The following POC1B variants were observed in gnomAD, a reference collection of about 807,000 sequenced individuals.
The protein encoded by POC1B is POC1 centriolar protein B.
In POC1B, 44 loss-of-function variants were observed where a neutral mutation model predicts 60.6. The observed-to-expected ratio is 0.73, with a 90% confidence interval of 0.57 to 0.93. The LOEUF is 0.93. Among genes scored for constraint, POC1B ranks in the 40% least tolerant of loss-of-function variants. The probability of loss-of-function intolerance (pLI) is 0.00; values close to 1 mark genes in which losing one functional copy is unlikely to be tolerated. For missense variants in POC1B, 555 were observed against 572.3 expected (o/e 0.97, Z 0.31); for synonymous variants, 180 against 198.9 (o/e 0.90, Z 0.80).
At chr12:89,443,537 G>C (rs1272873850) in intron 10 of POC1B, among the ~76,000 whole-genome samples, 1 of 151,310 alleles carries the variant, frequency 6.6e-6, no homozygotes, top group South Asian at 2.1e-4. Context: ...CAGAAATAAA[G>C]ATGTTCTTTG....
At position 89,434,922 on chromosome 12, in the gene POC1B, C is replaced by T. The variant is rs978236368; in HGVS notation, c.1114-9543G>A. 3.9e-5 allele frequency among the ~76,000 whole-genome samples: 6 copies of T among 152,058 alleles called. 1 individual carries two copies. The highest frequency in any genetic ancestry group is 1.4e-4 in the African/African-American group (6 of 41,400). On this transcript the variant is annotated intron_variant, in intron 10 of 11. Transcript: ENST00000313546. ...GGGATAAAAGATTTTCATTTTCAGGCAGCTGAGTGAAAAATGTATTTAATA... is the reference window on the plus strand; with the variant it reads ...GGGATAAAAGATTTTCATTTTCAGGTAGCTGAGTGAAAAATGTATTTAATA...
At chr12:89,449,643 G>A (rs1485694752) in intron 10 of POC1B, among the ~76,000 whole-genome samples, 1 of 152,128 alleles carries the variant, frequency 6.6e-6, no homozygotes, top group Non-Finnish European at 1.5e-5. Flanking sequence ...CAATGGGATG[G>A]TTTTTTGAAA....
rs1313969644 is a variant in POC1B at position 89,497,877 on chromosome 12, G to C, written c.101-535C>G. On this transcript the variant is annotated intron_variant, in intron 2 of 11. Coordinates refer to ENST00000313546, the MANE Select transcript of POC1B (RefSeq NM_172240.3). ...GTTAATGTTTTGCTTCATTTGGTTT[G>C]TAATTTGCTCTGTACTTGTTTCTCC... 3.3e-5 allele frequency among the ~76,000 whole-genome samples: 5 copies of C among 152,174 alleles called. No individual in the cohort carries two copies. The East Asian group carries it at 7.7e-4, about 23-fold the overall frequency.
intron 9 of POC1B, among the ~76,000 whole-genome samples, chr12:89,462,328 G>T (rs1473289171): frequency 6.6e-6 from 1 of 152,160 alleles, no homozygotes; most frequent in Non-Finnish European, 1.5e-5. Context: ...AATTAGAGCT[G>T]CCTTGAAATG....
chr12:89,435,932 G>GT (rs1046219300), intron 10 of POC1B, among the ~76,000 whole-genome samples: 1 of 150,570 alleles, frequency 6.6e-6, no homozygotes. Context: ...TAAGCAGGAA[G>GT]TTTTTTTCTT....
At chr12:89,508,395 G>T (rs1870007624) in intron 2 of POC1B, among the ~76,000 whole-genome samples, 1 of 152,106 alleles carries the variant, frequency 6.6e-6, no homozygotes, top group Admixed American at 6.5e-5. Flanking sequence ...GAAGACTATA[G>T]GCTTGTTATT....
chr12:89,519,163 G>A (rs1870640630), intron 2 of POC1B, among the ~76,000 whole-genome samples: 1 of 152,106 alleles, frequency 6.6e-6, no homozygotes, highest in East Asian at 1.9e-4. Flanking sequence ...GGTCCAAGTG[G>A]GCCCCAGAGA....
rs1374548921 is a variant in POC1B at position 89,466,750 on chromosome 12, A to C, written c.1032+20T>G. 1 of 1,595,418 alleles carries C rather than the reference A, an allele frequency of 6.3e-7. No individual in the cohort carries two copies. Among genetic ancestry groups the C allele is most frequent in the South Asian group, 1.1e-5 (1 of 88,186 alleles). On this transcript the variant is annotated intron_variant, in intron 9 of 11. Coordinates refer to ENST00000313546, the MANE Select transcript of POC1B (RefSeq NM_172240.3). The stretch of plus-strand genomic sequence containing the variant: ...CAAAATGTACACAAAATGTAGGACA[A>C]ATATGAACAAAATACTCACTTCTAC...
intron 7 of POC1B, among the ~76,000 whole-genome samples, chr12:89,469,326 C>G (rs746854846): frequency 2.0e-5 from 3 of 151,974 alleles, no homozygotes. Context: ...TGAACAGGCT[C>G]AATAAAAGGC....
the POC1B span, among the ~76,000 whole-genome samples, chr12:89,413,135 G>A: frequency 3.3e-5 from 5 of 152,076 alleles, no homozygotes; most frequent in East Asian, 5.8e-4. Context: ...CTTATCTCAC[G>A]TGACCCACCT....
chr12:89,406,256 G>A, the POC1B span, among the ~76,000 whole-genome samples: 20 of 152,090 alleles, frequency 1.3e-4, no homozygotes, highest in Non-Finnish European at 2.5e-4. Context: ...TAAAAATAGA[G>A]TTTCATTTTA....
chr12:89,409,312 A>G, the POC1B span, among the ~76,000 whole-genome samples: 20 of 152,210 alleles, frequency 1.3e-4, no homozygotes, highest in African/African-American at 4.8e-4. Flanking sequence ...AGATGTAAGG[A>G]AGGGGTCCAG....
chr12:89,524,763 T>A, intron 2 of POC1B: 1 of 631,906 alleles, frequency 1.6e-6, no homozygotes, highest in East Asian at 2.8e-5. Flanking sequence ...TCTCCCTACT[T>A]CCTCCTGCTC....
At position 89,479,709 on chromosome 12, in the gene POC1B, A is replaced by G. The variant is rs558040868; in HGVS notation, c.453-7434T>C. Among the ~76,000 whole-genome samples the G allele has an allele frequency of 3.4e-4, 52 of 152,292 alleles. No homozygotes were observed. The South Asian group carries it at 7.3e-3, about 21-fold the overall frequency. On this transcript the variant is annotated intron_variant, in intron 4 of 11. Transcript: ENST00000313546. ...AACTCATAGAAAGTACTGGGCACCG[A>G]GATAGACACAGAATTTTAATTACTT... is the stretch of plus-strand genomic sequence containing the variant.
intron 4 of POC1B, among the ~76,000 whole-genome samples, chr12:89,486,352 G>A (rs56032425): frequency 0.065 from 9,842 of 152,172 alleles, 453 homozygotes; most frequent in Middle Eastern, 0.11. Context: ...AACCTTTCTT[G>A]GAGGAAGAGA....
rs1465700782 is a variant in POC1B, at chr12:89,466,913, A to G, written c.889T>C (p.Trp297Arg). 6.2e-7 allele frequency: 1 copy of G among 1,610,078 alleles called. No homozygotes were observed. The highest frequency in any genetic ancestry group is 1.1e-5 in the South Asian group (1 of 90,440). Residue 297 changes from tryptophan to arginine, a missense_variant, in exon 9 of 12, where the codon TGG becomes CGG. Coordinates refer to ENST00000313546, the MANE Select transcript of POC1B (RefSeq NM_172240.3). ...SGGADTQVLL[W>R]RTNFDELHCK... ...TGCAATTCATCAAAGTTAGTCCTCC[A>G]TAATAAGACCTATGAAAAAAGTCAA... is the stretch of plus-strand genomic sequence containing the variant.
intron 10 of POC1B, among the ~76,000 whole-genome samples, chr12:89,440,700 C>T (rs1163863647): frequency 1.3e-5 from 2 of 152,218 alleles, no homozygotes; most frequent in Non-Finnish European, 2.9e-5. Flanking sequence ...CAGCTCCCAG[C>T]GTGAGCAACG....
chr12:89,459,528 C>T, intron 10 of POC1B, 110 bp downstream of exon 10: 1 of 489,446 alleles, frequency 2.0e-6, no homozygotes, highest in Non-Finnish European at 3.3e-6. Context: ...TGTTAGGCTA[C>T]ATAGGCCACG....
downstream of POC1B, among the ~76,000 whole-genome samples, chr12:89,416,612 G>T (rs1880370710): frequency 6.6e-6 from 1 of 152,168 alleles, no homozygotes; most frequent in Non-Finnish European, 1.5e-5. Flanking sequence ...AGTGGAGGGG[G>T]ATGGAGACAA....
Sources: allele counts gnomAD v4.1 joint callset (sites outside exome capture counted in the v4.1 genomes callset), GRCh38; gene constraint gnomAD v4.1.1; transcripts MANE v1.5; gene names NCBI Gene and HGNC (gene_info 2026-07-23, HGNC 2026-07-21).